ENAH: variants seen among roughly 807,000 people sequenced by gnomAD.
The protein encoded by ENAH is protein enabled homolog.
ENAH carries 23 observed loss-of-function variants against 78.7 expected under a neutral mutation model. The ratio of observed to expected loss-of-function variants is 0.29; its 90% confidence interval spans 0.21 to 0.41. The LOEUF (loss-of-function observed/expected upper bound fraction) is 0.41, where lower values mean the gene tolerates loss of function less well. ENAH is among the 10% of genes least tolerant of loss of function. ENAH has a pLI of 1.00. For missense variants in ENAH, 544 were observed against 691.0 expected, an observed-to-expected ratio of 0.79 and a Z score of 2.39; for synonymous variants, 226 against 241.0, an observed-to-expected ratio of 0.94 and a Z score of 0.58.
intron 1 of ENAH, among the ~76,000 whole-genome samples, chr1:225,639,905 T>G (rs2148435534): frequency 6.6e-6 from 1 of 152,298 alleles, no homozygotes; most frequent in South Asian, 2.1e-4. Flanking sequence ...CTGTAGTATG[T>G]GTGGAGTCTA....
intron 1 of ENAH, among the ~76,000 whole-genome samples, chr1:225,616,415 C>T (rs1655703397): frequency 6.7e-6 from 1 of 150,254 alleles, no homozygotes; most frequent in African/African-American, 2.5e-5. Context: ...GACAATATGT[C>T]AATATTAAAT....
chr1:225,565,992 T>C (rs2151502631), intron 2 of ENAH, among the ~76,000 whole-genome samples: 1 of 152,322 alleles, frequency 6.6e-6, no homozygotes, highest in East Asian at 1.9e-4. Flanking sequence ...TTTCCACAGA[T>C]TGACTCAGAG....
At chr1:225,572,926 A>G (rs564283887) in intron 1 of ENAH, among the ~76,000 whole-genome samples, 1 of 152,370 alleles carries the variant, frequency 6.6e-6, no homozygotes, top group African/African-American at 2.4e-5. Flanking sequence ...GGCTAGAGAT[A>G]GCTGGTTTAA....
chr1:225,566,977 T>C (rs2096738052), intron 2 of ENAH, among the ~76,000 whole-genome samples: 1 of 152,264 alleles, frequency 6.6e-6, no homozygotes, highest in African/African-American at 2.4e-5. Context: ...TAATTTGCTT[T>C]AGATTTCAAA....
chr1:225,640,032 G>A (rs1463199295), intron 1 of ENAH, among the ~76,000 whole-genome samples: 1 of 152,200 alleles, frequency 6.6e-6, no homozygotes, highest in African/African-American at 2.4e-5. Context: ...TTAATAACTG[G>A]AGAACTAACA....
At chr1:225,571,332 C>T (rs2096761120) in intron 1 of ENAH, among the ~76,000 whole-genome samples, 1 of 151,688 alleles carries the variant, frequency 6.6e-6, no homozygotes, top group Admixed American at 6.6e-5. Context: ...GAGATCATGC[C>T]ACTACACTCC....
At chr1:225,635,521 T>C (rs1659903272) in intron 1 of ENAH, among the ~76,000 whole-genome samples, 1 of 152,232 alleles carries the variant, frequency 6.6e-6, no homozygotes. Flanking sequence ...TCTCCCTCTG[T>C]ATCTGTCACC....
At chr1:225,499,928 G>A (rs1575293983) in intron 12 of ENAH, among the ~76,000 whole-genome samples, 1 of 152,316 alleles carries the variant, frequency 6.6e-6, no homozygotes, top group Non-Finnish European at 1.5e-5. Flanking sequence ...GGAAAAGACT[G>A]AGACACAGAA....
intron 4 of ENAH, among the ~76,000 whole-genome samples, chr1:225,527,552 T>C (rs979704047): frequency 1.1e-4 from 16 of 152,164 alleles, no homozygotes; most frequent in African/African-American, 3.9e-4. Flanking sequence ...GTAGTATCTT[T>C]TTCCAAGTAT....
rs1426440713 is a variant in ENAH at position 225,519,313 on chromosome 1, T to C, written c.687A>G (p.Arg229=). ...QERLDRERQE[R]QERERLERLE... Reference sequence around the variant, plus strand: ...GTCTCTCCAGCCTCTCTCGTTCTTGTCTTTCTTGCCTCTCCCGATCCAGGC... The same window carrying C: ...GTCTCTCCAGCCTCTCTCGTTCTTGCCTTTCTTGCCTCTCCCGATCCAGGC... Residue 229 remains arginine, a synonymous_variant, in exon 5 of 14, where the codon AGA becomes AGG. Transcript: ENST00000366843. 4.3e-6 allele frequency: 7 copies of C among 1,611,148 alleles called. No individual in the cohort carries two copies. The highest frequency in any genetic ancestry group is 1.3e-5 in the African/African-American group (1 of 74,480).
At chr1:225,591,232 G>A (rs1035261242) in intron 1 of ENAH, among the ~76,000 whole-genome samples, 1 of 152,162 alleles carries the variant, frequency 6.6e-6, no homozygotes, top group East Asian at 1.9e-4. Context: ...CCTTTGGGAG[G>A]CCAAGGCAGG....
At chr1:225,621,296 C>CTCTTTTT (rs1656855725) in intron 1 of ENAH, among the ~76,000 whole-genome samples, 1 of 142,762 alleles carries the variant, frequency 7.0e-6, no homozygotes, top group Non-Finnish European at 1.5e-5. Flanking sequence ...ATCTATCTCT[C>CTCTTTTT]TTTTTTTTTT....
intron 1 of ENAH, among the ~76,000 whole-genome samples, chr1:225,587,303 C>T (rs995846094): frequency 1.3e-5 from 2 of 152,042 alleles, no homozygotes; most frequent in African/African-American, 4.8e-5. Context: ...TACAAAGCAG[C>T]AAATTAGTAA....
chr1:225,615,124 G>A (rs1257075676), intron 1 of ENAH, among the ~76,000 whole-genome samples: 1 of 152,102 alleles, frequency 6.6e-6, no homozygotes, highest in East Asian at 1.9e-4. Context: ...CGCCATCTCG[G>A]CTCACTGCAA....
intron 1 of ENAH, among the ~76,000 whole-genome samples, chr1:225,644,132 A>G (rs903691147): frequency 6.6e-6 from 1 of 151,922 alleles, no homozygotes; most frequent in Non-Finnish European, 1.5e-5. Context: ...AAATCTACAC[A>G]TTAAAATATT....
intron 1 of ENAH, among the ~76,000 whole-genome samples, chr1:225,612,384 T>C (rs750284261): frequency 6.6e-6 from 1 of 152,140 alleles, no homozygotes; most frequent in Non-Finnish European, 1.5e-5. Flanking sequence ...GGCAAATCCA[T>C]GGAGACAGAA....
At chr1:225,515,270 A>C (rs2096408827) in intron 6 of ENAH, 2 of 196,102 alleles carry the variant, frequency 1.0e-5, no homozygotes, top group Admixed American at 1.2e-4. Context: ...AGTTAGTACT[A>C]CTTGAAATAT....
intron 1 of ENAH, among the ~76,000 whole-genome samples, chr1:225,650,011 G>T (rs1662676803): frequency 6.6e-6 from 1 of 152,190 alleles, no homozygotes; most frequent in African/African-American, 2.4e-5. Context: ...TTGAAAGCAT[G>T]AAGACTAAGC....
At chr1:225,634,087 TAGTC>T (rs1659610767) in intron 1 of ENAH, among the ~76,000 whole-genome samples, 1 of 152,196 alleles carries the variant, frequency 6.6e-6, no homozygotes, top group Non-Finnish European at 1.5e-5. Flanking sequence ...TTTTTTTCTT[TAGTC>T]AGTTCCAATT....
Sources: allele counts gnomAD v4.1 joint callset (sites outside exome capture counted in the v4.1 genomes callset), GRCh38; gene constraint gnomAD v4.1.1; transcripts MANE v1.5; gene names NCBI Gene and HGNC (gene_info 2026-07-23, HGNC 2026-07-21).